NAT10: variants seen among roughly 807,000 people sequenced by gnomAD.
NAT10 encodes the protein RNA cytidine acetyltransferase.
A neutral mutation model predicts 132.2 loss-of-function variants in NAT10; 109 were observed. The ratio of observed to expected loss-of-function variants is 0.82; its 90% CI spans 0.71 to 0.97. The LOEUF (loss-of-function observed/expected upper bound fraction) is 0.97. Ranked by LOEUF, NAT10 falls within the 50% of genes least tolerant of loss-of-function variation. NAT10 has a pLI of 0.00. For missense variants in NAT10, 1,184 were observed against 1,263.4 expected, an observed-to-expected ratio of 0.94 and a Z score of 0.95; for synonymous variants, 479 against 478.0, an observed-to-expected ratio of 1.00 and a Z score of -0.03.
intron 12 of NAT10, among the ~76,000 whole-genome samples, chr11:34,128,225 G>A (rs183150886): frequency 8.9e-4 from 135 of 152,048 alleles, no homozygotes; most frequent in African/African-American, 3.0e-3. Flanking sequence ...CTGGTGGCGC[G>A]TGCCTGTAAT....
chr11:34,134,627 G>A (rs146163613), intron 18 of NAT10, 41 bp downstream of exon 18: 10 of 1,594,782 alleles, frequency 6.3e-6, no homozygotes, highest in Admixed American at 5.0e-5. Flanking sequence ...TGTTGCTGGC[G>A]GTGCTTTAGG....
At chr11:34,126,724 T>C (rs1171531535) in intron 11 of NAT10, among the ~76,000 whole-genome samples, 1 of 152,220 alleles carries the variant, frequency 6.6e-6, no homozygotes, top group East Asian at 1.9e-4. Flanking sequence ...ATTGTTGAGG[T>C]TGAATATCTT....
intron 2 of NAT10, 119 bp from the exon 3 acceptor site, chr11:34,108,623 G>T: frequency 1.1e-6 from 1 of 937,106 alleles, no homozygotes; most frequent in Non-Finnish European, 1.6e-6. Context: ...TTAGAACCTT[G>T]GGCACTTCCC....
chr11:34,138,110 G>C (rs1216318619), intron 21 of NAT10, among the ~76,000 whole-genome samples: 1 of 152,170 alleles, frequency 6.6e-6, no homozygotes, highest in African/African-American at 2.4e-5. Context: ...AATGTTTTTT[G>C]CTGCTGGGTT....
In NAT10 at chr11:34,115,866, T is replaced by G; in HGVS notation, c.539T>G (p.Val180Gly). Residue 180 changes from valine (V) to glycine (G), a missense_variant, in exon 6 of 29, where the codon GTG becomes GGG. Val to Gly is a moderately radical substitution (Grantham distance 109). Coordinates refer to ENST00000257829, the MANE Select transcript of NAT10 (RefSeq NM_024662.3). Reference protein sequence around the residue: ...RYRTEAHQDVVGRFNERFILS... With the variant: ...RYRTEAHQDVGGRFNERFILS... ...AGAACTGAGGCCCATCAGGATGTGG[T>G]GGGAAGATTTAATGAAAGGTAATTC... The G allele has an allele frequency of 6.2e-7, 1 of 1,614,076 alleles. No individual in the cohort carries two copies. The highest frequency in any genetic ancestry group is 1.1e-5 in the South Asian group (1 of 91,056).
chr11:34,108,687 G>A, intron 2 of NAT10, 55 bp from the exon 3 acceptor site: 1 of 1,506,010 alleles, frequency 6.6e-7, no homozygotes, highest in Non-Finnish European at 9.1e-7. Flanking sequence ...CTTAAGCCTG[G>A]CGGTCTCTAA....
intron 18 of NAT10, 37 bp from the exon 19 acceptor site, chr11:34,135,138 C>G: frequency 6.4e-7 from 1 of 1,550,994 alleles, no homozygotes; most frequent in Non-Finnish European, 8.9e-7. Flanking sequence ...GAGCAGCTCT[C>G]TTCCCTCGGC....
intron 3 of NAT10, among the ~76,000 whole-genome samples, chr11:34,110,427 C>T (rs190856128): frequency 8.0e-4 from 122 of 151,998 alleles, no homozygotes; most frequent in African/African-American, 2.4e-3. Flanking sequence ...CCTGAGCCCC[C>T]CAGTCATACC....
intron 14 of NAT10, among the ~76,000 whole-genome samples, 197 bp downstream of exon 14, chr11:34,131,728 C>T (rs1255818656): frequency 1.3e-5 from 2 of 148,952 alleles, no homozygotes; most frequent in Admixed American, 1.3e-4. Flanking sequence ...GCTCTGTCAC[C>T]AGGCTAGAGT....
At chr11:34,136,816 T>C (rs1590779534) in intron 20 of NAT10, 41 bp downstream of exon 20, 3 of 1,613,818 alleles carry the variant, frequency 1.9e-6, no homozygotes, top group South Asian at 1.1e-5. Flanking sequence ...CTCCTTGGCA[T>C]TGAGAAAGAA....
chr11:34,109,181 G>A (rs1193486229), intron 3 of NAT10, among the ~76,000 whole-genome samples: 1 of 151,798 alleles, frequency 6.6e-6, no homozygotes, highest in African/African-American at 2.4e-5. Context: ...TTCATGGAGG[G>A]GGTATATGCC....
At chr11:34,108,702 T>G (rs751471260) in intron 2 of NAT10, 40 bp from the exon 3 acceptor site, 7 of 1,575,256 alleles carry the variant, frequency 4.4e-6, no homozygotes, top group Non-Finnish European at 6.1e-6. Flanking sequence ...CTCTAAAGTC[T>G]CTTTTGTGCC....
intron 12 of NAT10, among the ~76,000 whole-genome samples, chr11:34,130,390 G>A (rs141504868): frequency 1.1e-4 from 16 of 152,284 alleles, no homozygotes; most frequent in Admixed American, 8.5e-4. Context: ...AAGCAGCTCC[G>A]TTAGTTGACC....
intron 20 of NAT10, 29 bp downstream of exon 20, chr11:34,136,804 C>T: frequency 6.2e-7 from 1 of 1,613,998 alleles, no homozygotes; most frequent in Non-Finnish European, 8.5e-7. Flanking sequence ...TCCACGGCAT[C>T]ACTCCTTGGC....
intron 16 of NAT10, among the ~76,000 whole-genome samples, chr11:34,133,988 TAA>T (rs780216626): frequency 3.4e-4 from 41 of 122,148 alleles, no homozygotes; most frequent in Middle Eastern, 4.1e-3. Context: ...CCTTCTCTAC[TAA>T]AAAAAAAAAA....
At position 34,131,403 on chromosome 11, in the gene NAT10, C is replaced by T. The variant is rs1286223719; in HGVS notation, c.1392C>T (p.Ser464=). The T allele has an allele frequency of 1.2e-6, 2 of 1,613,864 alleles. No individual in the cohort carries two copies. Among genetic ancestry groups the T allele is most frequent in the South Asian group, 2.2e-5 (2 of 91,044 alleles). The change falls in exon 14 of 29, where the codon TCC becomes TCT. Residue 464 remains serine (S), a synonymous_variant. Coordinates refer to ENST00000257829, the MANE Select transcript of NAT10 (RefSeq NM_024662.3). ...LASARTLYEV[S]LQESIRYAPG... ...CAGCGCGGACACTGTATGAGGTTTC[C>T]CTCCAGGAGTCAATCCGATACGCCC...
intron 8 of NAT10, among the ~76,000 whole-genome samples, chr11:34,120,733 G>A (rs933915351): frequency 2.6e-5 from 4 of 152,200 alleles, no homozygotes; most frequent in African/African-American, 9.7e-5. Context: ...GTAAATAAAA[G>A]ACATGAGCAG....
At position 34,134,410 on chromosome 11, in the gene NAT10, T is replaced by C. The variant is rs1176157042; in HGVS notation, c.1826T>C (p.Val609Ala). 1 of 1,614,174 alleles carries C rather than the reference T, an allele frequency of 6.2e-7. No individual in the cohort carries two copies. Among genetic ancestry groups the C allele is most frequent in the East Asian group, 2.2e-5 (1 of 44,886 alleles). Residue 609 changes from valine (V) to alanine (A), a missense_variant, in exon 17 of 29, where the codon GTG becomes GCG. Transcript: ENST00000257829. ...TCAGGGGACCTGATTCCATGGACAG[T>C]GTCAGAACAGGTGACGGGCTTTCCC... Reference protein sequence around the residue: ...KASGDLIPWTVSEQFQDPDFG... With the variant: ...KASGDLIPWTASEQFQDPDFG...
rs1852117921 is a variant in NAT10 at position 34,132,160 on chromosome 11, A to G, written c.1556A>G (p.His519Arg). The change falls in exon 15 of 29, where the codon CAC becomes CGC. Residue 519 changes from histidine (H) to arginine (R), a missense_variant. Coordinates refer to ENST00000257829, the MANE Select transcript of NAT10 (RefSeq NM_024662.3). ...YVNRDTLFCY[H>R]KASEVFLQRL... ...AATAGAGATACCCTCTTTTGCTACC[A>G]CAAGGCCTCTGAAGTTTTCCTCCAA... The G allele has an allele frequency of 6.2e-7, 1 of 1,614,060 alleles. No individual in the cohort carries two copies. The highest frequency in any genetic ancestry group is 1.3e-5 in the African/African-American group (1 of 74,922).
Sources: allele counts gnomAD v4.1 joint callset (sites outside exome capture counted in the v4.1 genomes callset), GRCh38; gene constraint gnomAD v4.1.1; transcripts MANE v1.5; gene names NCBI Gene and HGNC (gene_info 2026-07-23, HGNC 2026-07-21).